Variants in RAP1GAP2 observed in about 807,000 individuals in gnomAD.
RAP1GAP2 encodes the protein rap1 GTPase-activating protein 2.
RAP1GAP2 carries 27 observed loss-of-function variants against 95.0 expected under a neutral mutation model. The ratio of observed to expected loss-of-function variants is 0.28; its 90% CI spans 0.21 to 0.39. RAP1GAP2 has a LOEUF of 0.39. RAP1GAP2 is among the 10% of genes least tolerant of loss of function. The pLI, the probability that RAP1GAP2 is intolerant of heterozygous loss-of-function variation, is 1.00. For synonymous variants in RAP1GAP2, 373 were observed against 380.9 expected, an observed-to-expected ratio of 0.98 and a Z score of 0.24; for missense variants, 771 against 970.0, an observed-to-expected ratio of 0.79 and a Z score of 2.72.
intron 2 of RAP1GAP2, among the ~76,000 whole-genome samples, chr17:2,894,344 C>T (rs1254626465): frequency 6.6e-6 from 1 of 152,162 alleles, no homozygotes; most frequent in Non-Finnish European, 1.5e-5. Context: ...ACAGGAGAAT[C>T]GCTTGAACCC....
chr17:2,828,839 C>T (rs2070704816), intron 2 of RAP1GAP2, among the ~76,000 whole-genome samples: 1 of 152,100 alleles, frequency 6.6e-6, no homozygotes, highest in Non-Finnish European at 1.5e-5. Flanking sequence ...TGCTCCCTCT[C>T]CAGAGGTGAC....
chr17:2,850,224 T>A (rs2071776837), intron 2 of RAP1GAP2, among the ~76,000 whole-genome samples: 1 of 150,320 alleles, frequency 6.7e-6, no homozygotes, highest in Non-Finnish European at 1.5e-5. Flanking sequence ...ATGGTCTCGA[T>A]CTCCTGACCT....
At chr17:2,834,931 AT>A (rs948701556) in intron 2 of RAP1GAP2, among the ~76,000 whole-genome samples, 2 of 151,922 alleles carry the variant, frequency 1.3e-5, no homozygotes, top group African/African-American at 4.8e-5. Flanking sequence ...TATTATTATT[AT>A]TTTTTGAGAT....
intron 3 of RAP1GAP2, among the ~76,000 whole-genome samples, chr17:2,925,432 A>G (rs1252311756): frequency 2.0e-5 from 3 of 152,174 alleles, no homozygotes; most frequent in African/African-American, 7.2e-5. Flanking sequence ...GCAGCAGGAA[A>G]GAGAAGAGCG....
At chr17:2,862,502 C>A (rs767873504) in intron 2 of RAP1GAP2, among the ~76,000 whole-genome samples, 18 of 152,072 alleles carry the variant, frequency 1.2e-4, no homozygotes, top group Non-Finnish European at 2.5e-4. Flanking sequence ...TCATTTTAAG[C>A]AGATGAAGCA....
intron 3 of RAP1GAP2, among the ~76,000 whole-genome samples, chr17:2,953,713 G>C (rs2043999544): frequency 6.6e-6 from 1 of 152,092 alleles, no homozygotes; most frequent in Non-Finnish European, 1.5e-5. Flanking sequence ...TGGGCATGGG[G>C]GCGCATGCCT....
Position 2,781,777 on chromosome 17 carries a change from T to C in RAP1GAP2, c.-14+4499T>C, listed in dbSNP as rs536552386. Among the ~76,000 whole-genome samples, 101 of 147,026 alleles carry C rather than the reference T, an allele frequency of 6.9e-4. 1 individual carries two copies. The highest frequency in any genetic ancestry group is 2.6e-3 in the African/African-American group (101 of 39,408). On this transcript the variant is annotated intron_variant, in intron 1 of 24. Transcript: ENST00000540393. The stretch of plus-strand genomic sequence containing the variant: ...GTCTCTGTGTGTGCACGTCTGTGTG[T>C]GCACGTTTCTGTGTGTGCACGTCTG...
chr17:2,759,299 GA>G (rs2071202883), intron 1 of RAP1GAP2, among the ~76,000 whole-genome samples: 1 of 151,712 alleles, frequency 6.6e-6, no homozygotes, highest in African/African-American at 2.4e-5. Flanking sequence ...TTTATTTTTT[GA>G]GACAGAATCT....
chr17:2,904,530 CTGTGTGTGTG>C lies in RAP1GAP2; in HGVS notation c.81-724_81-715del, dbSNP rs5818880. Among the ~76,000 whole-genome samples the C allele has an allele frequency of 2.0e-4, 26 of 129,160 alleles. No individual in the cohort carries two copies. The highest frequency in any genetic ancestry group is 4.7e-4 in the Admixed American group (6 of 12,690). 84.7% of individuals were successfully genotyped at this position (129,160 alleles called of 152,430 possible). A position where few individuals can be genotyped will look rare whatever the true frequency, so the allele number is the denominator to read the frequency against. On this transcript the variant is annotated intron_variant, in intron 2 of 24. Coordinates refer to ENST00000254695, the MANE Select transcript of RAP1GAP2 (RefSeq NM_015085.5). The surrounding 1 kb of genome is among the most constrained non-coding windows in gnomAD (Gnocchi z 4.7). Reference sequence around the variant, plus strand: ...CCGAGGACAGCTTTTTGACCAGGGCCTGTGTGTGTGTGTGTGTGTGTGTGTGTGTGTGTGT... The same window carrying C: ...CCGAGGACAGCTTTTTGACCAGGGCCTGTGTGTGTGTGTGTGTGTGTGTGT...
At chr17:2,908,593 G>T (rs1438570734) in intron 3 of RAP1GAP2, among the ~76,000 whole-genome samples, 3 of 152,008 alleles carry the variant, frequency 2.0e-5, no homozygotes, top group Non-Finnish European at 4.4e-5. Flanking sequence ...TATGAGATTT[G>T]GGGAGAAGGA....
chr17:2,840,795 C>T (rs962448630), intron 2 of RAP1GAP2, among the ~76,000 whole-genome samples: 19 of 151,868 alleles, frequency 1.3e-4, no homozygotes, highest in African/African-American at 3.9e-4. Context: ...GCCAGGAGTT[C>T]GAGACCAGCC....
At chr17:2,988,026 G>A (rs771361720) in intron 11 of RAP1GAP2, among the ~76,000 whole-genome samples, 1 of 152,136 alleles carries the variant, frequency 6.6e-6, no homozygotes, top group Non-Finnish European at 1.5e-5. Context: ...TGTTTGCAGA[G>A]CTTGCTACTG....
At chr17:2,766,337 G>C (rs187140154) in intron 1 of RAP1GAP2, among the ~76,000 whole-genome samples, 1 of 152,240 alleles carries the variant, frequency 6.6e-6, no homozygotes, top group African/African-American at 2.4e-5. Flanking sequence ...AGGGAGAGAG[G>C]TCTTGAAAGT....
intron 2 of RAP1GAP2, among the ~76,000 whole-genome samples, chr17:2,823,215 A>C (rs556199499): frequency 3.9e-5 from 6 of 152,164 alleles, no homozygotes; most frequent in Admixed American, 2.6e-4. Flanking sequence ...CTGTTTTTGA[A>C]GCCCTATCGG....
intron 1 of RAP1GAP2, among the ~76,000 whole-genome samples, chr17:2,787,604 G>T (rs2068817879): frequency 6.6e-6 from 1 of 151,820 alleles, no homozygotes; most frequent in Admixed American, 6.6e-5. Context: ...GTCTTGCTCT[G>T]TCGCCCAGGC....
chr17:3,008,464 G>A lies in RAP1GAP2; in HGVS notation c.1494+319G>A, dbSNP rs985692633. Among the ~76,000 whole-genome samples, 8 of 152,174 alleles carry A rather than the reference G, an allele frequency of 5.3e-5. No individual in the cohort carries two copies. Among genetic ancestry groups the A allele is most frequent in the Admixed American group, 1.3e-4 (2 of 15,290 alleles). On this transcript the variant is annotated intron_variant, in intron 17 of 24. Coordinates refer to ENST00000254695, the MANE Select transcript of RAP1GAP2 (RefSeq NM_015085.5). This position sits in a 1 kb window ranked among gnomAD's most constrained non-coding sequence, Gnocchi z 4.2. ...GGAGCTGGAGCAAGCCAGGAACATC[G>A]GCGCTTTCACCTGCCTCCTCCTGGG...
At chr17:2,779,803 G>T (rs542225743) in intron 1 of RAP1GAP2, among the ~76,000 whole-genome samples, 2 of 152,048 alleles carry the variant, frequency 1.3e-5, no homozygotes, top group East Asian at 1.9e-4. Flanking sequence ...GGGGCTGGGG[G>T]GGGGCAGGAA....
Position 3,033,985 on chromosome 17 carries a change from G to C in RAP1GAP2, c.*624G>C, listed in dbSNP as rs1029594213. ...CTGAACGCCTTTCCCATCTGCTGACGTAGGCCCAGGGCTGCCCTGCCCCTG... is the reference window on the plus strand; with the variant it reads ...CTGAACGCCTTTCCCATCTGCTGACCTAGGCCCAGGGCTGCCCTGCCCCTG... On this transcript the variant is annotated 3_prime_UTR_variant, in exon 25 of 25. Coordinates refer to ENST00000254695, the MANE Select transcript of RAP1GAP2 (RefSeq NM_015085.5). The surrounding 1 kb of genome is among the most constrained non-coding windows in gnomAD (Gnocchi z 4.9). The C allele has an allele frequency of 6.6e-6, 1 of 152,640 alleles. No homozygotes were observed. The allele number at this position is 152,640 out of a possible 1,614,324, so 9.5% of individuals were successfully genotyped here.
chr17:2,772,797 A>G (rs2068420360), upstream of RAP1GAP2, among the ~76,000 whole-genome samples: 1 of 151,466 alleles, frequency 6.6e-6, no homozygotes, highest in Non-Finnish European at 1.5e-5. Context: ...TCAGAGAATA[A>G]GGTTTATACT....
Sources: allele counts gnomAD v4.1 joint callset (sites outside exome capture counted in the v4.1 genomes callset), GRCh38; gene constraint gnomAD v4.1.1; non-coding constraint Gnocchi (gnomAD v3.1); transcripts MANE v1.5; gene names NCBI Gene and HGNC (gene_info 2026-07-23, HGNC 2026-07-21).